The following REPS2 variants were observed in gnomAD, a reference collection of about 807,000 sequenced individuals.
The protein encoded by REPS2 is ralBP1-associated Eps domain-containing protein 2.
A neutral mutation model predicts 53.6 loss-of-function variants in REPS2; 23 were observed. The ratio of observed to expected loss-of-function variants is 0.43; its 90% CI spans 0.31 to 0.61. The LOEUF (loss-of-function observed/expected upper bound fraction) is 0.61, where lower values mean the gene tolerates loss of function less well. Ranked by LOEUF, REPS2 falls within the 20% of genes least tolerant of loss-of-function variation. The pLI is 0.11. For missense variants in REPS2, 446 were observed against 534.9 expected, an observed-to-expected ratio of 0.83 and a Z score of 1.64; for synonymous variants, 238 against 218.6, an observed-to-expected ratio of 1.09 and a Z score of -0.78.
chrX:17,116,196 G>A (rs2063052283), intron 14 of REPS2, among the ~76,000 whole-genome samples: 1 of 110,080 alleles, frequency 9.1e-6, no homozygotes, highest in South Asian at 3.9e-4. Flanking sequence ...AAAAACTCTA[G>A]TAATGTGTCT....
chrX:17,025,567 T>C (rs951679328), intron 4 of REPS2, among the ~76,000 whole-genome samples: 11 of 112,288 alleles, frequency 9.8e-5, no homozygotes, highest in Admixed American at 4.7e-4. Flanking sequence ...ATGAAATTTC[T>C]TAAGAAATAT....
chrX:16,987,998 A>G (rs2061112441), intron 1 of REPS2, among the ~76,000 whole-genome samples: 1 of 111,617 alleles, frequency 9.0e-6, no homozygotes, highest in Non-Finnish European at 1.9e-5. Context: ...GGAAAAAAAA[A>G]ATGAAACTGG....
chrX:17,096,659 C>CAAAAAAAAAAAA (rs1181603042), intron 13 of REPS2, among the ~76,000 whole-genome samples: 2 of 17,348 alleles, frequency 1.2e-4, no homozygotes, highest in African/African-American at 1.9e-4. Flanking sequence ...GACTCCGTCT[C>CAAAAAAAAAAAA]AAAAAAAAAA....
chrX:17,123,487 C>G (rs2063168264), intron 14 of REPS2, among the ~76,000 whole-genome samples: 1 of 112,492 alleles, frequency 8.9e-6, no homozygotes, highest in African/African-American at 3.2e-5. Flanking sequence ...CCAAGAATCC[C>G]CAAGGCATTC....
intron 1 of REPS2, among the ~76,000 whole-genome samples, chrX:16,951,347 T>A (rs975746088): frequency 4.5e-5 from 5 of 111,216 alleles, no homozygotes; most frequent in African/African-American, 1.6e-4. Flanking sequence ...AAATAAATAC[T>A]CTATAAAGAG....
chrX:17,159,283 A>G, the REPS2 span, among the ~76,000 whole-genome samples: 4 of 111,657 alleles, frequency 3.6e-5, no homozygotes, highest in Non-Finnish European at 7.5e-5. Context: ...TGAACTTTTT[A>G]TGTTTCAAGC....
chrX:17,125,766 G>A (rs973466913), intron 14 of REPS2, among the ~76,000 whole-genome samples: 3 of 112,910 alleles, frequency 2.7e-5, no homozygotes, highest in African/African-American at 9.7e-5. Context: ...ACCTTTAACT[G>A]GCTGAGGGAT....
At chrX:17,158,860 C>G in the REPS2 span, among the ~76,000 whole-genome samples, 3 of 111,911 alleles carry the variant, frequency 2.7e-5, no homozygotes, top group East Asian at 8.4e-4. Flanking sequence ...TTCAGCAGCA[C>G]AGAAGAATGA....
intron 11 of REPS2, among the ~76,000 whole-genome samples, chrX:17,071,249 G>A (rs1350884134): frequency 8.9e-6 from 1 of 112,022 alleles, no homozygotes; most frequent in Non-Finnish European, 1.9e-5. Context: ...GAGCTAAAGT[G>A]GATGCATTCC....
In REPS2 at chrX:17,000,270, T is replaced by C. The variant is rs144828469; in HGVS notation, c.274-5951T>C. Among the ~76,000 whole-genome samples, 229 of 111,150 alleles carry C rather than the reference T, an allele frequency of 2.1e-3. 1 individual carries two copies. Among genetic ancestry groups the C allele is most frequent in the African/African-American group, 6.7e-3 (206 of 30,563 alleles). ...GAGGAAGAAGGTGAATACATGTGTT[T>C]TCTTCTCATGGAAGTGTTCACTATT... is the stretch of plus-strand genomic sequence containing the variant. On this transcript the variant is annotated intron_variant, in intron 1 of 17. Transcript: ENST00000357277.
intron 1 of REPS2, among the ~76,000 whole-genome samples, chrX:16,982,565 ATCTT>A (rs1419519352): frequency 8.9e-6 from 1 of 112,141 alleles, no homozygotes; most frequent in Non-Finnish European, 1.9e-5. Flanking sequence ...ACCTGTGAAC[ATCTT>A]TCTTCTAGTA....
intron 1 of REPS2, among the ~76,000 whole-genome samples, chrX:16,951,018 C>T (rs1033768281): frequency 9.8e-5 from 11 of 111,952 alleles, no homozygotes; most frequent in African/African-American, 2.9e-4. Flanking sequence ...TGCTCTCCAG[C>T]GTAGGCAACA....
intron 1 of REPS2, among the ~76,000 whole-genome samples, chrX:16,985,203 G>T (rs1165556347): frequency 1.8e-5 from 2 of 111,224 alleles, no homozygotes; most frequent in Non-Finnish European, 3.8e-5. Context: ...CTATACTTTT[G>T]TTTATTACAC....
intron 1 of REPS2, among the ~76,000 whole-genome samples, chrX:17,004,386 GA>G (rs1158524616): frequency 1.0e-5 from 1 of 99,250 alleles, no homozygotes. Context: ...GAACCTTGAT[GA>G]ATGAAAAAAA....
intron 13 of REPS2, among the ~76,000 whole-genome samples, chrX:17,084,759 A>G (rs971127337): frequency 8.9e-6 from 1 of 112,182 alleles, no homozygotes; most frequent in Non-Finnish European, 1.9e-5. Flanking sequence ...GTTGATTTGT[A>G]AATGTTCTTT....
chrX:16,984,750 T>A (rs1157008648), intron 1 of REPS2, among the ~76,000 whole-genome samples: 2 of 111,510 alleles, frequency 1.8e-5, no homozygotes, highest in African/African-American at 3.3e-5. Context: ...ATTTTTTTTT[T>A]AAATAGGTTT....
At chrX:16,954,890 A>G (rs1421394787) in intron 1 of REPS2, among the ~76,000 whole-genome samples, 1 of 99,810 alleles carries the variant, frequency 1.0e-5, no homozygotes, top group African/African-American at 3.7e-5. Flanking sequence ...GGCTCACTGC[A>G]ACCTCCGCCT....
chrX:17,018,480 C>T (rs1303322575), intron 2 of REPS2, among the ~76,000 whole-genome samples: 1 of 110,869 alleles, frequency 9.0e-6, no homozygotes, highest in Non-Finnish European at 1.9e-5. Flanking sequence ...TGAGCCACTG[C>T]ACCTGGCCTG....
intron 2 of REPS2, among the ~76,000 whole-genome samples, chrX:17,014,179 T>C: frequency 9.0e-6 from 1 of 111,651 alleles, no homozygotes; most frequent in Non-Finnish European, 1.9e-5. Flanking sequence ...TCCAGAGAAA[T>C]GCAGTGTATG....
Sources: allele counts gnomAD v4.1 joint callset (sites outside exome capture counted in the v4.1 genomes callset), GRCh38; gene constraint gnomAD v4.1.1; transcripts MANE v1.5; gene names NCBI Gene and HGNC (gene_info 2026-07-23, HGNC 2026-07-21).